TMEM132D: variants seen among roughly 807,000 people sequenced by gnomAD.
TMEM132D encodes mature OL transmembrane protein.
TMEM132D carries 21 observed loss-of-function variants against 62.3 expected under a neutral mutation model. That is an observed-to-expected ratio of 0.34 (90% confidence interval 0.24 to 0.49). The LOEUF (loss-of-function observed/expected upper bound fraction) is 0.49. TMEM132D is among the 20% of genes least tolerant of loss of function. The pLI is 0.99. For synonymous variants in TMEM132D, 621 were observed against 575.6 expected (o/e 1.08, Z -1.13); for missense variants, 1,346 against 1,402.8 (o/e 0.96, Z 0.65).
At chr12:129,719,715 C>T (rs1209681819) in intron 1 of TMEM132D, among the ~76,000 whole-genome samples, 2 of 152,212 alleles carry the variant, frequency 1.3e-5, no homozygotes, top group African/African-American at 4.8e-5. Flanking sequence ...ATTTCAGGGC[C>T]TTCAGCTCCG....
At chr12:129,341,546 G>C (rs1338844143) in intron 3 of TMEM132D, among the ~76,000 whole-genome samples, 1 of 152,190 alleles carries the variant, frequency 6.6e-6, no homozygotes, top group Non-Finnish European at 1.5e-5. Context: ...GGCCCTTGCT[G>C]GGCAGCATTC....
intron 2 of TMEM132D, among the ~76,000 whole-genome samples, chr12:129,586,149 G>A (rs12296402): frequency 2.0e-5 from 3 of 151,980 alleles, no homozygotes; most frequent in Non-Finnish European, 4.4e-5. Context: ...ACAGGACTAC[G>A]AAAGCTCCCA....
intron 2 of TMEM132D, among the ~76,000 whole-genome samples, chr12:129,681,789 C>A (rs1417510850): frequency 6.6e-6 from 1 of 152,176 alleles, no homozygotes; most frequent in African/African-American, 2.4e-5. Flanking sequence ...ACTCTCATCC[C>A]ACCTTGCATG....
chr12:129,656,381 C>G (rs569590718), intron 2 of TMEM132D, among the ~76,000 whole-genome samples: 1 of 152,182 alleles, frequency 6.6e-6, no homozygotes, highest in African/African-American at 2.4e-5. Flanking sequence ...GAATGTAGAA[C>G]CAAAATCTTC....
intron 4 of TMEM132D, among the ~76,000 whole-genome samples, chr12:129,231,347 G>A (rs1261382541): frequency 1.3e-5 from 2 of 152,134 alleles, no homozygotes; most frequent in Non-Finnish European, 2.9e-5. Context: ...TTTAATCCAC[G>A]TTGGAAGCAA....
At chr12:129,785,475 T>C (rs141278430) in intron 1 of TMEM132D, among the ~76,000 whole-genome samples, 17 of 152,364 alleles carry the variant, frequency 1.1e-4, no homozygotes, top group African/African-American at 3.8e-4. Context: ...CAGTACATGC[T>C]AAATCAACGT....
At chr12:129,130,971 C>T (rs544218553) in intron 5 of TMEM132D, among the ~76,000 whole-genome samples, 5 of 152,180 alleles carry the variant, frequency 3.3e-5, no homozygotes, top group South Asian at 2.1e-4. Flanking sequence ...CTGATTCAAC[C>T]GGGCAGTGGT....
chr12:129,241,884 G>A (rs1879947439), intron 4 of TMEM132D, among the ~76,000 whole-genome samples: 1 of 152,120 alleles, frequency 6.6e-6, no homozygotes, highest in African/African-American at 2.4e-5. Context: ...CACATATTAG[G>A]TGTCCATAAT....
intron 1 of TMEM132D, among the ~76,000 whole-genome samples, chr12:129,865,584 T>C (rs1277200643): frequency 2.0e-5 from 3 of 152,292 alleles, no homozygotes; most frequent in South Asian, 2.1e-4. Context: ...CTGGGTTTCA[T>C]TGTGAGTGCA....
chr12:129,600,791 A>G (rs975479702), intron 2 of TMEM132D, among the ~76,000 whole-genome samples: 1 of 152,166 alleles, frequency 6.6e-6, no homozygotes, highest in Non-Finnish European at 1.5e-5. Flanking sequence ...CAGTAGACAG[A>G]TGTGTGCTGT....
intron 1 of TMEM132D, among the ~76,000 whole-genome samples, chr12:129,708,297 G>C (rs1466679982): frequency 6.6e-6 from 1 of 152,184 alleles, no homozygotes; most frequent in Non-Finnish European, 1.5e-5. Context: ...AGACCAACTT[G>C]AGACAGGAAG....
At chr12:129,143,278 A>G (rs1274684890) in intron 5 of TMEM132D, among the ~76,000 whole-genome samples, 2 of 152,050 alleles carry the variant, frequency 1.3e-5, no homozygotes, top group Non-Finnish European at 2.9e-5. Context: ...ACTTACATTT[A>G]CCGGGATATT....
intron 1 of TMEM132D, among the ~76,000 whole-genome samples, chr12:129,884,859 A>T (rs1399257043): frequency 6.6e-6 from 1 of 152,244 alleles, no homozygotes; most frequent in Non-Finnish European, 1.5e-5. Flanking sequence ...ATAACAACCA[A>T]TACTAACCAC....
intron 3 of TMEM132D, among the ~76,000 whole-genome samples, chr12:129,516,016 A>G (rs7295140): frequency 0.7 from 106,796 of 152,048 alleles, 37,830 homozygotes; most frequent in Admixed American, 0.74. Flanking sequence ...TGACATTGAC[A>G]ATCAGACAAG....
rs1352738909 is a variant in TMEM132D, at chr12:129,779,127, G to A, written c.80-78429C>T. Among the ~76,000 whole-genome samples the A allele has an allele frequency of 6.6e-5, 10 of 152,154 alleles. No individual in the cohort carries two copies. The highest frequency in any genetic ancestry group is 2.9e-5 in the Non-Finnish European group (2 of 68,024). On this transcript the variant is annotated intron_variant, in intron 1 of 8. Coordinates refer to ENST00000422113, the MANE Select transcript of TMEM132D (RefSeq NM_133448.3). This position sits in a 1 kb window ranked among gnomAD's most constrained non-coding sequence, Gnocchi z 4.1. The stretch of plus-strand genomic sequence containing the variant: ...CAACGAGGCGACTGCAACAGCTCCA[G>A]GCATCACATTCCAAATCCACCCAGC...
At chr12:129,548,425 C>G (rs1225989150) in intron 2 of TMEM132D, among the ~76,000 whole-genome samples, 1 of 152,198 alleles carries the variant, frequency 6.6e-6, no homozygotes, top group Non-Finnish European at 1.5e-5. Flanking sequence ...TGCTAGGTCT[C>G]CCTTATGGTC....
chr12:129,593,839 T>G (rs1190647262), intron 2 of TMEM132D, among the ~76,000 whole-genome samples: 1 of 151,792 alleles, frequency 6.6e-6, no homozygotes, highest in Non-Finnish European at 1.5e-5. Flanking sequence ...GACATGTATT[T>G]TTTTTAAAAT....
Position 129,454,070 on chromosome 12 carries a change from T to C in TMEM132D, c.1115+76989A>G, listed in dbSNP as rs540565731. Among the ~76,000 whole-genome samples, 4 of 152,358 alleles carry C rather than the reference T, an allele frequency of 2.6e-5. No individual in the cohort carries two copies. The East Asian group carries it at 7.7e-4, about 29-fold the overall frequency. Reference sequence around the variant, plus strand: ...ACCACTTGGCTTACACCATGTATTATAAATCTCTGTCTAGTTTGATTATCC... The same window carrying C: ...ACCACTTGGCTTACACCATGTATTACAAATCTCTGTCTAGTTTGATTATCC... On this transcript the variant is annotated intron_variant, in intron 3 of 8. Coordinates refer to ENST00000422113, the MANE Select transcript of TMEM132D (RefSeq NM_133448.3).
chr12:129,769,206 A>C (rs2137281132), intron 1 of TMEM132D, among the ~76,000 whole-genome samples: 1 of 152,326 alleles, frequency 6.6e-6, no homozygotes, highest in South Asian at 2.1e-4. Context: ...ACTGCTAATA[A>C]AGACATACCT....
Sources: allele counts gnomAD v4.1 joint callset (sites outside exome capture counted in the v4.1 genomes callset), GRCh38; gene constraint gnomAD v4.1.1; non-coding constraint Gnocchi (gnomAD v3.1); transcripts MANE v1.5; gene names NCBI Gene and HGNC (gene_info 2026-07-23, HGNC 2026-07-21).